PHTF2: variants seen among roughly 807,000 people sequenced by gnomAD.
PHTF2 encodes putative homeodomain transcription factor 2.
A neutral mutation model predicts 101.2 loss-of-function variants in PHTF2; 60 were observed. The ratio of observed to expected loss-of-function variants is 0.59; its 90% CI spans 0.48 to 0.73. The LOEUF (loss-of-function observed/expected upper bound fraction) is 0.73. Among genes scored for constraint, PHTF2 ranks in the 30% least tolerant of loss-of-function variants. PHTF2 has a pLI of 0.00. For synonymous variants in PHTF2, 311 were observed against 307.3 expected (o/e 1.01, Z -0.13); for missense variants, 747 against 908.7 (o/e 0.82, Z 2.29).
At chr7:77,867,281 C>T (rs1047515192) in intron 3 of PHTF2, among the ~76,000 whole-genome samples, 2 of 152,172 alleles carry the variant, frequency 1.3e-5, no homozygotes, top group Non-Finnish European at 2.9e-5. Flanking sequence ...TCCCAGACAT[C>T]TCTTAGTGAT....
rs1307642713 is a variant in PHTF2 at position 77,949,834 on chromosome 7, G to A, written c.2115+1G>A. The A allele has an allele frequency of 1.4e-6, 2 of 1,437,226 alleles. No homozygotes were observed. Among genetic ancestry groups the A allele is most frequent in the Non-Finnish European group, 1.9e-6 (2 of 1,048,188 alleles). 89.0% of individuals were successfully genotyped at this position (1,437,226 alleles called of 1,614,324 possible). A position where few individuals can be genotyped will look rare whatever the true frequency, so the allele number is the denominator to read the frequency against. ...TACCTCAATATTACTTACTGAACAGGTGAGTGTGCCTACTTATTATGCTAC... is the reference window on the plus strand; with the variant it reads ...TACCTCAATATTACTTACTGAACAGATGAGTGTGCCTACTTATTATGCTAC... On this transcript the variant is annotated splice_donor_variant, in intron 17 of 19. Coordinates refer to ENST00000416283, the Ensembl canonical transcript of PHTF2. LOFTEE classifies it high-confidence loss of function.
chr7:77,926,523 T>G (rs915461420), intron 11 of PHTF2, among the ~76,000 whole-genome samples: 3 of 152,192 alleles, frequency 2.0e-5, no homozygotes, highest in Non-Finnish European at 4.4e-5. Flanking sequence ...AGTAGATTAA[T>G]TATTAATAAT....
chr7:77,912,507 G>T (rs1333228596), intron 9 of PHTF2, among the ~76,000 whole-genome samples: 1 of 151,978 alleles, frequency 6.6e-6, no homozygotes, highest in Non-Finnish European at 1.5e-5. Flanking sequence ...ATTGTTTCTG[G>T]TGATAAATTG....
chr7:77,826,650 A>G (rs1342671837), intron 1 of PHTF2, among the ~76,000 whole-genome samples: 1 of 152,232 alleles, frequency 6.6e-6, no homozygotes, highest in African/African-American at 2.4e-5. Flanking sequence ...TGTTTGGAGC[A>G]GAACTTAGTC....
chr7:77,911,478 GA>G lies in PHTF2; in HGVS notation c.776+1075del, dbSNP rs1185856475. Among the ~76,000 whole-genome samples the G allele has an allele frequency of 2.0e-5, 3 of 152,162 alleles. No individual in the cohort carries two copies. The East Asian group carries it at 5.8e-4, about 29-fold the overall frequency. On this transcript the variant is annotated intron_variant, in intron 9 of 19. Transcript: ENST00000416283. The stretch of plus-strand genomic sequence containing the variant: ...GTTTATATATACCTATAATAAATGT[GA>G]AAAAAGTTAAAAGGCTATGATCAAA...
At chr7:77,883,574 A>G (rs950257164) in intron 3 of PHTF2, among the ~76,000 whole-genome samples, 1 of 152,156 alleles carries the variant, frequency 6.6e-6, no homozygotes, top group Non-Finnish European at 1.5e-5. Context: ...AGTATATTGT[A>G]TCTTGGCAAA....
intron 10 of PHTF2, among the ~76,000 whole-genome samples, chr7:77,921,840 A>C (rs1309714116): frequency 1.3e-5 from 2 of 152,008 alleles, no homozygotes; most frequent in Non-Finnish European, 2.9e-5. Context: ...TGTGTGTAGA[A>C]TGTTGTCTGA....
chr7:77,831,075 T>TA (rs1795043390), intron 1 of PHTF2, among the ~76,000 whole-genome samples: 1 of 152,190 alleles, frequency 6.6e-6, no homozygotes, highest in African/African-American at 2.4e-5. Flanking sequence ...CCACTTAAAT[T>TA]ATGGGTTCAT....
At chr7:77,883,216 AAGT>A (rs1200683989) in intron 3 of PHTF2, among the ~76,000 whole-genome samples, 20 of 152,136 alleles carry the variant, frequency 1.3e-4, no homozygotes, top group Non-Finnish European at 2.8e-4. Context: ...TTTGAATTAG[AAGT>A]CTTAAAGAAT....
chr7:77,936,706 T>TAAAAAAAA (rs1195512245), intron 12 of PHTF2, among the ~76,000 whole-genome samples: 38 of 136,684 alleles, frequency 2.8e-4, no homozygotes, highest in African/African-American at 8.2e-4. Context: ...TATGAGTCCT[T>TAAAAAAAA]AAAAATACAC....
At chr7:77,924,358 A>C (rs962959320) in intron 11 of PHTF2, among the ~76,000 whole-genome samples, 2 of 152,186 alleles carry the variant, frequency 1.3e-5, no homozygotes, top group African/African-American at 4.8e-5. Context: ...TGTGCCATTT[A>C]TCACTAAATA....
At chr7:77,872,323 G>A (rs906558609) in intron 3 of PHTF2, among the ~76,000 whole-genome samples, 2 of 152,086 alleles carry the variant, frequency 1.3e-5, no homozygotes, top group Admixed American at 1.3e-4. Flanking sequence ...ACTCACATGG[G>A]GTACAAATAC....
intron 19 of PHTF2, among the ~76,000 whole-genome samples, chr7:77,954,612 G>GTGTGTATATATATATATATATA (rs1426693429): frequency 3.9e-4 from 35 of 90,186 alleles, no homozygotes; most frequent in African/African-American, 1.0e-3. Flanking sequence ...CAAGTACTGT[G>GTGTGTATATATATATATATATA]TATATATATA....
At chr7:77,941,878 G>T (rs1382113122) in intron 15 of PHTF2, among the ~76,000 whole-genome samples, 1 of 152,056 alleles carries the variant, frequency 6.6e-6, no homozygotes, top group Non-Finnish European at 1.5e-5. Context: ...CTTTTTGGAG[G>T]TTCTTCATTT....
intron 6 of PHTF2, 38 bp downstream of exon 5, chr7:77,900,818 T>C (rs1363570534): frequency 8.8e-6 from 9 of 1,016,986 alleles, no homozygotes; most frequent in Admixed American, 8.6e-5. Flanking sequence ...CAAGTAGACA[T>C]TGTTCTGGAA....
chr7:77,893,699 CAT>C lies in PHTF2; in HGVS notation c.204+37_204+38del, dbSNP rs773480995. ...TTATTTCATTTTGTTTATTTTGAAA[CAT>C]AGTTCTATGAATTATTAATTACATT... On this transcript the variant is annotated intron_variant, in intron 4 of 19. Transcript: ENST00000416283. 8 of 882,050 alleles carry C rather than the reference CAT, an allele frequency of 9.1e-6. No individual in the cohort carries two copies. In the South Asian group the frequency reaches 1.2e-4, roughly 13 times the overall value. 54.6% of individuals were successfully genotyped at this position (882,050 alleles called of 1,614,324 possible).
exon 20 of PHTF2, chr7:77,955,151 A>G (rs910701027): frequency 1.7e-5 from 4 of 229,348 alleles, no homozygotes; most frequent in Non-Finnish European, 2.5e-5. Context: ...GATCCTGGTA[A>G]TTGGTCATAA....
chr7:77,877,383 G>A (rs7802462), intron 3 of PHTF2, among the ~76,000 whole-genome samples: 5 of 152,100 alleles, frequency 3.3e-5, no homozygotes, highest in African/African-American at 4.8e-5. Flanking sequence ...GATTACAGGC[G>A]TGAGCCACCA....
At chr7:77,886,127 A>T (rs1285297741) in intron 3 of PHTF2, among the ~76,000 whole-genome samples, 2 of 152,116 alleles carry the variant, frequency 1.3e-5, no homozygotes, top group Admixed American at 1.3e-4. Context: ...AGTCTAATTA[A>T]ACTATTGATA....
Sources: gnomAD v4.1 joint callset for allele counts (sites outside exome capture counted in the v4.1 genomes callset) on GRCh38, gnomAD v4.1.1 for gene constraint, MANE v1.5 for transcripts, NCBI Gene and HGNC (gene_info 2026-07-23, HGNC 2026-07-21) for gene names.